The following SLC9A4 variants were observed in gnomAD, a reference collection of about 807,000 sequenced individuals.
SLC9A4 encodes solute carrier family 9 member A4.
SLC9A4 carries 63 observed loss-of-function variants against 67.4 expected under a neutral mutation model. The ratio of observed to expected loss-of-function variants is 0.93; its 90% confidence interval spans 0.76 to 1.15. SLC9A4 has a LOEUF of 1.15. Ranked by LOEUF, SLC9A4 falls within the 50% of genes most tolerant of loss-of-function variation. The probability of loss-of-function intolerance (pLI) is 0.00; values close to 1 mark genes in which losing one functional copy is unlikely to be tolerated. For synonymous variants in SLC9A4, 393 were observed against 367.2 expected (o/e 1.07, Z -0.80); for missense variants, 1,089 against 987.7 (o/e 1.10, Z -1.38).
rs1281024803 is a variant in SLC9A4, at chr2:102,514,172, A to C, written c.1642A>C (p.Lys548Gln). 1 of 1,614,148 alleles carries C rather than the reference A, an allele frequency of 6.2e-7. No individual in the cohort carries two copies. Among genetic ancestry groups the C allele is most frequent in the East Asian group, 2.2e-5 (1 of 44,860 alleles). The change falls in exon 8 of 12, where the codon AAG becomes CAG. Residue 548 changes from lysine (K) to glutamine (Q), a missense_variant. Physicochemically the swap from Lys to Gln is moderately conservative, Grantham distance 53 (BLOSUM62 1). Coordinates refer to ENST00000295269, the MANE Select transcript of SLC9A4 (RefSeq NM_001011552.4). ...CAAATCAAGCATTGTTTCTTTGTAC[A>C]AGAAGCTGGAAATGAAGCAAGCCAT... ...LPKSSIVSLY[K>Q]KLEMKQAIEM...
At chr2:102,531,443 T>A (rs1674777842) in intron 11 of SLC9A4, among the ~76,000 whole-genome samples, 1 of 152,184 alleles carries the variant, frequency 6.6e-6, no homozygotes, top group African/African-American at 2.4e-5. Flanking sequence ...AGACAGCTGC[T>A]GGCTCCCCTC....
intron 2 of SLC9A4, among the ~76,000 whole-genome samples, chr2:102,498,210 A>G (rs1034351415): frequency 4.6e-5 from 7 of 152,242 alleles, no homozygotes; most frequent in African/African-American, 1.7e-4. Flanking sequence ...CTATAATGTT[A>G]CCCAGAGCCT....
chr2:102,484,702 T>C (rs1684548162), intron 2 of SLC9A4, among the ~76,000 whole-genome samples: 1 of 152,196 alleles, frequency 6.6e-6, no homozygotes, highest in Non-Finnish European at 1.5e-5. Context: ...ATCAGCTTGC[T>C]GGATAAGCAA....
At chr2:102,518,077 T>A (rs1685313505) in intron 8 of SLC9A4, among the ~76,000 whole-genome samples, 1 of 152,214 alleles carries the variant, frequency 6.6e-6, no homozygotes, top group African/African-American at 2.4e-5. Context: ...TGATAGCTGA[T>A]ATAATTCCAT....
chr2:102,519,442 G>A lies in SLC9A4; in HGVS notation c.1722-417G>A, dbSNP rs560536733. On this transcript the variant is annotated intron_variant, in intron 8 of 11. Coordinates refer to ENST00000295269, the MANE Select transcript of SLC9A4 (RefSeq NM_001011552.4). The stretch of plus-strand genomic sequence containing the variant: ...GATAGGTAAGTACAAAACTAGCAAA[G>A]AGTTTGTCTTTGAATGAATCATTTT... Among the ~76,000 whole-genome samples the A allele has an allele frequency of 1.3e-3, 204 of 152,306 alleles. 1 individual carries two copies. Among genetic ancestry groups the A allele is most frequent in the African/African-American group, 4.6e-3 (193 of 41,574 alleles).
chr2:102,488,822 C>T (rs1684642893), intron 2 of SLC9A4, among the ~76,000 whole-genome samples: 1 of 152,240 alleles, frequency 6.6e-6, no homozygotes, highest in Admixed American at 6.5e-5. Flanking sequence ...GCTGGAATTA[C>T]AGGCGTGAGC....
intron 2 of SLC9A4, among the ~76,000 whole-genome samples, chr2:102,499,179 C>T (rs1382174581): frequency 1.6e-4 from 24 of 152,160 alleles, no homozygotes; most frequent in Admixed American, 1.5e-3. Flanking sequence ...CAAGCTCAGG[C>T]CTTAGCTGAG....
chr2:102,483,841 TACACACACACAATATACACACACATGCAC>T (rs1684526845), intron 2 of SLC9A4, among the ~76,000 whole-genome samples: 1 of 126,780 alleles, frequency 7.9e-6, no homozygotes, highest in African/African-American at 3.1e-5. Context: ...TATATATATA[TACACACACACAATATACACACACATGCAC>T]ATATATACAT....
At chr2:102,500,522 C>A (rs948472303) in intron 2 of SLC9A4, among the ~76,000 whole-genome samples, 1 of 152,222 alleles carries the variant, frequency 6.6e-6, no homozygotes, top group African/African-American at 2.4e-5. Flanking sequence ...GGCCACTGTG[C>A]AACCTCCTCG....
At chr2:102,531,710 C>T (rs741285) in intron 11 of SLC9A4, among the ~76,000 whole-genome samples, 97,338 of 152,086 alleles carry the variant, frequency 0.64, 31,298 homozygotes, top group Middle Eastern at 0.72. Flanking sequence ...AGCACAGTGA[C>T]AGGCATATAG....
At chr2:102,485,658 T>C (rs1248700878) in intron 2 of SLC9A4, among the ~76,000 whole-genome samples, 2 of 152,120 alleles carry the variant, frequency 1.3e-5, no homozygotes, top group Admixed American at 6.5e-5. Flanking sequence ...GAAGAACGAA[T>C]GCAGCAGGAA....
intron 2 of SLC9A4, among the ~76,000 whole-genome samples, chr2:102,499,392 C>T (rs1028452468): frequency 1.3e-5 from 2 of 152,168 alleles, no homozygotes; most frequent in African/African-American, 4.8e-5. Context: ...TCCCTTTGCT[C>T]TTTTGTTTCT....
At position 102,504,875 on chromosome 2, in the gene SLC9A4, C is replaced by A. The variant is rs189965499; in HGVS notation, c.981-379C>A. On this transcript the variant is annotated intron_variant, in intron 3 of 11. Transcript: ENST00000295269. ...ATGGTTGGATTGGAGGAAATGAGAA[C>A]CTTGAAGAATTATTCTGTTATTTTG... Among the ~76,000 whole-genome samples, 172 of 152,252 alleles carry A rather than the reference C, an allele frequency of 1.1e-3. 1 individual carries two copies. The highest frequency in any genetic ancestry group is 3.7e-3 in the African/African-American group (153 of 41,552).
intron 2 of SLC9A4, among the ~76,000 whole-genome samples, chr2:102,496,550 G>A (rs952992796): frequency 1.3e-5 from 2 of 152,180 alleles, no homozygotes; most frequent in African/African-American, 4.8e-5. Flanking sequence ...CAGAAGCTAT[G>A]CTTTTGTCTT....
intron 1 of SLC9A4, among the ~76,000 whole-genome samples, chr2:102,474,835 A>G (rs1684293844): frequency 6.6e-6 from 1 of 152,236 alleles, no homozygotes; most frequent in South Asian, 2.1e-4. Context: ...TATAAACTTT[A>G]TGCTATTTGA....
chr2:102,473,673 G>T lies in SLC9A4; in HGVS notation c.-87G>T. The stretch of plus-strand genomic sequence containing the variant: ...TACCTATATTACTTTTGACCCAGGT[G>T]GATGCAGTCACTCTCTAGAAGCCTC... On this transcript the variant is annotated 5_prime_UTR_variant, in exon 1 of 12. Transcript: ENST00000295269. The T allele has an allele frequency of 1.3e-6, 2 of 1,528,320 alleles. No homozygotes were observed. The highest frequency in any genetic ancestry group is 1.8e-6 in the Non-Finnish European group (2 of 1,135,102). The allele number at this position is 1,528,320 out of a possible 1,614,324, so 94.7% of individuals were successfully genotyped here. A position where few individuals can be genotyped will look rare whatever the true frequency, so the allele number is the denominator to read the frequency against.
rs768446992 is a variant in SLC9A4 at position 102,503,533 on chromosome 2, G to T, written c.806G>T (p.Arg269Leu). The change falls in exon 3 of 12, where the codon CGA becomes CTA. Residue 269 changes from arginine to leucine, a missense_variant. Transcript: ENST00000295269. Reference sequence around the variant, plus strand: ...GTCGACATTTTGGCTGGATGTGCCCGATTCATCGTTGTGGGGCTTGGAGGG... The same window carrying T: ...GTCGACATTTTGGCTGGATGTGCCCTATTCATCGTTGTGGGGCTTGGAGGG... ...ETVDILAGCA[R>L]FIVVGLGGVL... 1.2e-6 allele frequency: 2 copies of T among 1,614,154 alleles called. No homozygotes were observed. The highest frequency in any genetic ancestry group is 1.7e-6 in the Non-Finnish European group (2 of 1,180,032).
Position 102,473,758 on chromosome 2 carries a change from G to C in SLC9A4, c.-2G>C, listed in dbSNP as rs747039324. The C allele has an allele frequency of 6.2e-7, 1 of 1,613,640 alleles. No homozygotes were observed. On this transcript the variant is annotated 5_prime_UTR_variant, in exon 1 of 12. Coordinates refer to ENST00000295269, the MANE Select transcript of SLC9A4 (RefSeq NM_001011552.4). ...GGGTGTAGGTAGGAGAAGCCCACAG[G>C]AATGGCTCTGCAGATGTTCGTGACT...
chr2:102,482,802 T>C (rs1430171663), intron 2 of SLC9A4, among the ~76,000 whole-genome samples: 1 of 152,250 alleles, frequency 6.6e-6, no homozygotes, highest in Non-Finnish European at 1.5e-5. Flanking sequence ...AAGATACTAC[T>C]GGATAAATGC....
Sources: allele counts gnomAD v4.1 joint callset (sites outside exome capture counted in the v4.1 genomes callset), GRCh38; gene constraint gnomAD v4.1.1; transcripts MANE v1.5; gene names NCBI Gene and HGNC (gene_info 2026-07-23, HGNC 2026-07-21).